The following VTCN1 variants were observed in gnomAD, a reference collection of about 807,000 sequenced individuals.
VTCN1 encodes the protein V-set domain-containing T-cell activation inhibitor 1.
VTCN1 carries 26 observed loss-of-function variants against 26.5 expected under a neutral mutation model. That is an observed-to-expected ratio of 0.98 (90% CI 0.72 to 1.36). VTCN1 has a LOEUF of 1.36. Among genes scored for constraint, VTCN1 ranks in the 40% most tolerant of loss-of-function variants. The probability of loss-of-function intolerance (pLI) is 0.00; values close to 1 mark genes in which losing one functional copy is unlikely to be tolerated. For missense variants in VTCN1, 298 were observed against 337.7 expected (o/e 0.88, Z 0.92); for synonymous variants, 116 against 130.7 (o/e 0.89, Z 0.77).
chr1:117,153,513 T>C (rs1651912928), intron 3 of VTCN1, 144 bp from the exon 4 acceptor site: 2 of 887,588 alleles, frequency 2.3e-6, no homozygotes, highest in East Asian at 2.7e-5. Context: ...TCCTCAGAGG[T>C]CCACCTGTGT....
At chr1:117,205,025 C>T (rs10923224) in intron 1 of VTCN1, among the ~76,000 whole-genome samples, 130,084 of 149,986 alleles carry the variant, frequency 0.87, 58,093 homozygotes, top group Non-Finnish European at 0.97. Flanking sequence ...TATATATACA[C>T]GTATATATAT....
intron 1 of VTCN1, among the ~76,000 whole-genome samples, chr1:117,201,631 A>G (rs1401609998): frequency 1.3e-5 from 2 of 152,294 alleles, no homozygotes; most frequent in South Asian, 2.1e-4. Flanking sequence ...TAGCCCCTTT[A>G]TGGGGAAGCA....
intron 2 of VTCN1, among the ~76,000 whole-genome samples, chr1:117,157,429 G>A (rs898552883): frequency 1.3e-5 from 2 of 152,060 alleles, no homozygotes; most frequent in African/African-American, 4.8e-5. Flanking sequence ...GGAGGCAAAA[G>A]GCACTTCTTA....
intron 2 of VTCN1, among the ~76,000 whole-genome samples, chr1:117,164,213 T>C (rs192022891): frequency 2.0e-4 from 31 of 152,214 alleles, no homozygotes; most frequent in African/African-American, 4.1e-4. Context: ...AGCTTAGATA[T>C]GGGAGATGGC....
chr1:117,185,831 A>AC (rs1004512383), intron 1 of VTCN1, among the ~76,000 whole-genome samples: 1 of 151,870 alleles, frequency 6.6e-6, no homozygotes, highest in Non-Finnish European at 1.5e-5. Context: ...AAGCCCCCCA[A>AC]CCCCCACTTC....
At chr1:117,208,833 A>C (rs1649223870) in intron 1 of VTCN1, among the ~76,000 whole-genome samples, 1 of 152,190 alleles carries the variant, frequency 6.6e-6, no homozygotes, top group African/African-American at 2.4e-5. Flanking sequence ...GAAATTATGA[A>C]TACTTAGGAG....
chr1:117,174,079 T>C (rs1208485091), intron 1 of VTCN1, among the ~76,000 whole-genome samples: 5 of 152,238 alleles, frequency 3.3e-5, no homozygotes, highest in Non-Finnish European at 7.3e-5. Context: ...ATTAATTTTT[T>C]AGAAAGATGA....
At chr1:117,168,382 C>T (rs1306882152) in intron 2 of VTCN1, among the ~76,000 whole-genome samples, 6 of 152,152 alleles carry the variant, frequency 3.9e-5, no homozygotes, top group Non-Finnish European at 7.3e-5. Flanking sequence ...AATCTTGACC[C>T]CTCTCTTGTA....
At chr1:117,192,731 C>T (rs79459991) in intron 1 of VTCN1, among the ~76,000 whole-genome samples, 5 of 151,820 alleles carry the variant, frequency 3.3e-5, no homozygotes, top group Admixed American at 6.6e-5. Flanking sequence ...AGGTATTTTA[C>T]GTAAGCCTCA....
chr1:117,150,694 C>T (rs549666278), intron 4 of VTCN1, among the ~76,000 whole-genome samples: 1 of 152,170 alleles, frequency 6.6e-6, no homozygotes, highest in Non-Finnish European at 1.5e-5. Context: ...AGTATATCCA[C>T]GTTGTTATAA....
intron 2 of VTCN1, among the ~76,000 whole-genome samples, chr1:117,162,295 G>A (rs1476723100): frequency 6.6e-6 from 1 of 152,166 alleles, no homozygotes; most frequent in Admixed American, 6.5e-5. Flanking sequence ...TGTTAAAAGT[G>A]ACAAAATTTA....
Position 117,144,062 on chromosome 1 carries a change from C to T in VTCN1, c.*1209G>A, listed in dbSNP as rs578098979. The T allele has an allele frequency of 1.3e-5, 2 of 152,260 alleles. No individual in the cohort carries two copies. Among genetic ancestry groups the T allele is most frequent in the African/African-American group, 2.4e-5 (1 of 41,534 alleles). The allele number at this position is 152,260 out of a possible 1,614,324, so 9.4% of individuals were successfully genotyped here. A position where few individuals can be genotyped will look rare whatever the true frequency, so the allele number is the denominator to read the frequency against. On this transcript the variant is annotated 3_prime_UTR_variant, in exon 6 of 6. Transcript: ENST00000369458. ...CACTGAGAGATGTTATCCTGGTGCC[C>T]GATAGAGTTCTGGCTCTCTGTGCTG...
intron 2 of VTCN1, among the ~76,000 whole-genome samples, chr1:117,168,874 C>T (rs986403111): frequency 4.6e-5 from 7 of 152,114 alleles, no homozygotes; most frequent in African/African-American, 1.4e-4. Flanking sequence ...GGATTATAGG[C>T]GTGAACCACC....
intron 2 of VTCN1, among the ~76,000 whole-genome samples, chr1:117,163,898 T>G (rs963037290): frequency 6.6e-6 from 1 of 152,180 alleles, no homozygotes; most frequent in African/African-American, 2.4e-5. Context: ...AGATCAAATA[T>G]TTTCTAAATA....
intron 1 of VTCN1, among the ~76,000 whole-genome samples, chr1:117,182,467 G>A (rs1264174664): frequency 1.6e-4 from 24 of 152,226 alleles, no homozygotes; most frequent in Admixed American, 1.0e-3. Flanking sequence ...CACCCCTTGA[G>A]GGCCTGGCTT....
chr1:117,172,437 C>T, intron 1 of VTCN1: 1 of 518,820 alleles, frequency 1.9e-6, no homozygotes, highest in South Asian at 1.4e-5. Context: ...TCTTACTGGT[C>T]CAAGAGAGTG....
At chr1:117,177,758 T>C (rs1647436035) in intron 1 of VTCN1, among the ~76,000 whole-genome samples, 1 of 151,750 alleles carries the variant, frequency 6.6e-6, no homozygotes, top group African/African-American at 2.4e-5. Context: ...GTCCCAACAC[T>C]GTAAAACTAG....
rs756071412 is a variant in VTCN1, at chr1:117,146,858, G to A, written c.*45+755C>T. On this transcript the variant is annotated intron_variant, in intron 5 of 5. Transcript: ENST00000369458. This position sits in a 1 kb window ranked among gnomAD's most constrained non-coding sequence, Gnocchi z 4.2. ...CTATCAGCTAAAACAGGGAAAGGAA[G>A]GAGCAGGTACAGTGTTTCAAAACCA... Among the ~76,000 whole-genome samples, 9 of 152,148 alleles carry A rather than the reference G, an allele frequency of 5.9e-5. No homozygotes were observed. The highest frequency in any genetic ancestry group is 1.0e-4 in the Non-Finnish European group (7 of 68,036).
chr1:117,200,401 A>C (rs1648731849), intron 1 of VTCN1, among the ~76,000 whole-genome samples: 1 of 152,164 alleles, frequency 6.6e-6, no homozygotes, highest in Non-Finnish European at 1.5e-5. Flanking sequence ...GAAAAATCCC[A>C]GTGCACCCCC....
Sources: gnomAD v4.1 joint callset for allele counts (sites outside exome capture counted in the v4.1 genomes callset) on GRCh38, gnomAD v4.1.1 for gene constraint, Gnocchi (gnomAD v3.1) non-coding constraint, MANE v1.5 for transcripts, NCBI Gene and HGNC (gene_info 2026-07-23, HGNC 2026-07-21) for gene names.